The following ARHGEF3 variants were observed in gnomAD, a reference collection of about 807,000 sequenced individuals.
ARHGEF3 encodes the protein 59.8 kDA protein.
A neutral mutation model predicts 63.2 loss-of-function variants in ARHGEF3; 28 were observed. The ratio of observed to expected loss-of-function variants is 0.44; its 90% CI spans 0.33 to 0.61. ARHGEF3 has a LOEUF of 0.61. Ranked by LOEUF, ARHGEF3 falls within the 20% of genes least tolerant of loss-of-function variation. ARHGEF3 has a pLI of 0.03. For synonymous variants in ARHGEF3, 266 were observed against 254.2 expected (o/e 1.05, Z -0.44); for missense variants, 533 against 659.3 (o/e 0.81, Z 2.10).
intron 3 of ARHGEF3, among the ~76,000 whole-genome samples, chr3:56,954,485 C>A (rs140199167): frequency 6.6e-6 from 1 of 152,312 alleles, no homozygotes; most frequent in East Asian, 1.9e-4. Context: ...CTCTCTCAGC[C>A]TTCTCATTCC....
At chr3:57,007,950 C>T (rs1702531162) in intron 2 of ARHGEF3, among the ~76,000 whole-genome samples, 1 of 152,176 alleles carries the variant, frequency 6.6e-6, no homozygotes, top group Non-Finnish European at 1.5e-5. Context: ...CACCTTTTCC[C>T]GGCAGGGCTG....
At chr3:56,834,639 A>G (rs976122852) in intron 4 of ARHGEF3, among the ~76,000 whole-genome samples, 1 of 151,986 alleles carries the variant, frequency 6.6e-6, no homozygotes, top group Non-Finnish European at 1.5e-5. Context: ...ACATGCCTGT[A>G]ATCCCAGCTT....
intron 2 of ARHGEF3, among the ~76,000 whole-genome samples, chr3:57,007,642 C>T (rs1015623895): frequency 2.0e-5 from 3 of 152,176 alleles, no homozygotes; most frequent in African/African-American, 2.4e-5. Context: ...CGACCAGGGA[C>T]GGGTGAGTTC....
chr3:57,016,470 C>T (rs1277756383), intron 2 of ARHGEF3, among the ~76,000 whole-genome samples: 1 of 151,996 alleles, frequency 6.6e-6, no homozygotes, highest in Non-Finnish European at 1.5e-5. Flanking sequence ...ATTGCTTAAA[C>T]CCGGGAGGCG....
rs182815813 is a variant in ARHGEF3 at position 56,898,501 on chromosome 3, G to A, written c.130-16147C>T. On this transcript the variant is annotated intron_variant, in intron 3 of 12. Coordinates refer to the ARHGEF3 transcript ENST00000338458. ...TGAGATTACAGGCATGAGCCACAGC[G>A]CCTGGCCAGTCTTCTTTCTTTAGTA... The A allele has an allele frequency of 8.9e-5, 15 of 168,772 alleles. No individual in the cohort carries two copies. The Middle Eastern group carries it at 1.5e-3, about 17-fold the overall frequency. The allele number at this position is 168,772 out of a possible 1,614,324, so 10.5% of individuals were successfully genotyped here.
At chr3:56,799,216 T>TC (rs2037516986) in intron 1 of ARHGEF3, among the ~76,000 whole-genome samples, 1 of 152,220 alleles carries the variant, frequency 6.6e-6, no homozygotes, top group Non-Finnish European at 1.5e-5. Context: ...ACTTGCCTGT[T>TC]CCCCAGGAGC....
intron 1 of ARHGEF3, among the ~76,000 whole-genome samples, chr3:56,795,513 C>T (rs1164229511): frequency 2.0e-5 from 3 of 152,172 alleles, no homozygotes; most frequent in Admixed American, 1.3e-4. Context: ...ACAATCAGGG[C>T]TACCTTCTCT....
At chr3:57,028,767 T>G (rs1210830241) in intron 2 of ARHGEF3, among the ~76,000 whole-genome samples, 1 of 151,522 alleles carries the variant, frequency 6.6e-6, no homozygotes, top group Non-Finnish European at 1.5e-5. Flanking sequence ...GAACAATATG[T>G]GTTGTTCACT....
At chr3:57,076,407 T>C (rs1706223550) in intron 1 of ARHGEF3, among the ~76,000 whole-genome samples, 3 of 152,174 alleles carry the variant, frequency 2.0e-5, no homozygotes, top group African/African-American at 7.2e-5. Flanking sequence ...GAATGCAGGA[T>C]AGTCAGAACA....
chr3:56,891,007 C>T (rs543835484), intron 3 of ARHGEF3, among the ~76,000 whole-genome samples: 1 of 152,012 alleles, frequency 6.6e-6, no homozygotes, highest in Non-Finnish European at 1.5e-5. Flanking sequence ...TCTTTCTTTG[C>T]GGAAAGATTA....
chr3:57,002,625 TG>T (rs1254556249), intron 2 of ARHGEF3, among the ~76,000 whole-genome samples: 13 of 146,794 alleles, frequency 8.9e-5, no homozygotes, highest in African/African-American at 3.0e-4. Flanking sequence ...GGGGTACATG[TG>T]GGGGGTTGTT....
At chr3:56,927,665 T>G (rs1021026728) in intron 3 of ARHGEF3, among the ~76,000 whole-genome samples, 1 of 152,102 alleles carries the variant, frequency 6.6e-6, no homozygotes, top group Non-Finnish European at 1.5e-5. Context: ...AGGTTCAATG[T>G]CAGGGATACC....
chr3:56,746,811 C>T (rs966174343), intron 6 of ARHGEF3, among the ~76,000 whole-genome samples: 2 of 152,074 alleles, frequency 1.3e-5, no homozygotes, highest in East Asian at 1.9e-4. Flanking sequence ...GCAGCTTTTA[C>T]ACCTCTTATT....
intron 1 of ARHGEF3, among the ~76,000 whole-genome samples, chr3:56,786,097 C>A (rs143229020): frequency 9.7e-4 from 147 of 152,238 alleles, no homozygotes; most frequent in African/African-American, 3.4e-3. Flanking sequence ...AGCACATGTC[C>A]ACACTTAGAA....
At chr3:56,903,370 G>A (rs1400063789) in intron 3 of ARHGEF3, among the ~76,000 whole-genome samples, 3 of 152,242 alleles carry the variant, frequency 2.0e-5, no homozygotes, top group Non-Finnish European at 1.5e-5. Flanking sequence ...AAATGTGAAT[G>A]TCTTACTGCT....
chr3:56,995,660 AGAGAGAGAGAG>A (rs1701953169), intron 2 of ARHGEF3, among the ~76,000 whole-genome samples: 1 of 125,640 alleles, frequency 8.0e-6, no homozygotes. Context: ...AGAGAGAGAG[AGAGAGAGAGAG>A]AATTTTTTTT....
chr3:56,748,527 C>T (rs1194309947), intron 6 of ARHGEF3, among the ~76,000 whole-genome samples: 3 of 148,078 alleles, frequency 2.0e-5, no homozygotes, highest in Non-Finnish European at 2.9e-5. Flanking sequence ...TCTTTTATCC[C>T]CCTAATATTG....
intron 3 of ARHGEF3, among the ~76,000 whole-genome samples, chr3:56,920,987 G>A (rs532302330): frequency 6.0e-5 from 9 of 149,638 alleles, no homozygotes; most frequent in East Asian, 4.0e-4. Context: ...CCTGGGAGGC[G>A]GAGCTTGCAG....
At chr3:56,939,652 T>C (rs1285031642) in intron 3 of ARHGEF3, 1 of 152,168 alleles carries the variant, frequency 6.6e-6, no homozygotes. Context: ...CCAAACAGGC[T>C]GTTCTTGCTC....
Sources: gnomAD v4.1 joint callset for allele counts (sites outside exome capture counted in the v4.1 genomes callset) on GRCh38, gnomAD v4.1.1 for gene constraint, MANE v1.5 for transcripts, NCBI Gene and HGNC (gene_info 2026-07-23, HGNC 2026-07-21) for gene names.